Variants in CLVS1 observed in about 807,000 individuals in gnomAD.
The protein encoded by CLVS1 is clavesin 1, also known as clavesin-1.
A neutral mutation model predicts 33.1 loss-of-function variants in CLVS1; 10 were observed. The observed-to-expected ratio is 0.30, with a 90% CI of 0.19 to 0.51. CLVS1 has a LOEUF of 0.51. Ranked by LOEUF, CLVS1 falls within the 20% of genes least tolerant of loss-of-function variation. CLVS1 has a pLI of 0.97. For synonymous variants in CLVS1, 163 were observed against 166.1 expected (o/e 0.98, Z 0.14); for missense variants, 343 against 433.4 (o/e 0.79, Z 1.85).
chr8:61,423,005 T>A (rs1235274843), intron 3 of CLVS1, among the ~76,000 whole-genome samples: 13 of 152,160 alleles, frequency 8.5e-5, no homozygotes. Flanking sequence ...TTTTGGAAGA[T>A]GAATGGACTG....
chr8:61,099,198 C>T (rs369502226), intron 1 of CLVS1, among the ~76,000 whole-genome samples: 1 of 152,072 alleles, frequency 6.6e-6, no homozygotes, highest in Non-Finnish European at 1.5e-5. Context: ...TTCACATGGA[C>T]GTCATTGTCG....
chr8:61,255,720 C>T (rs560562899), intron 2 of CLVS1, among the ~76,000 whole-genome samples: 7 of 152,140 alleles, frequency 4.6e-5, no homozygotes, highest in African/African-American at 1.4e-4. Context: ...TAGGGCAGCA[C>T]GTTTTGTACT....
At chr8:61,126,736 G>T (rs1805980298) in intron 1 of CLVS1, among the ~76,000 whole-genome samples, 1 of 152,138 alleles carries the variant, frequency 6.6e-6, no homozygotes, top group Non-Finnish European at 1.5e-5. Flanking sequence ...GTGTTGTCAT[G>T]TTCACTCTCC....
intron 5 of CLVS1, among the ~76,000 whole-genome samples, chr8:61,461,353 T>A (rs1435208158): frequency 6.6e-6 from 1 of 152,222 alleles, no homozygotes; most frequent in Non-Finnish European, 1.5e-5. Context: ...TGATGTTTGT[T>A]CTTGCTTCAA....
At chr8:61,250,984 T>C (rs2129591616) in intron 2 of CLVS1, among the ~76,000 whole-genome samples, 1 of 152,348 alleles carries the variant, frequency 6.6e-6, no homozygotes, top group Admixed American at 6.5e-5. Context: ...GGCATCCTTG[T>C]CTTGTGCCAG....
At chr8:61,465,625 G>A (rs1424663108) in intron 5 of CLVS1, 1 of 152,066 alleles carries the variant, frequency 6.6e-6, no homozygotes. Flanking sequence ...ATGACCCTGA[G>A]TTTTATATTT....
At chr8:61,178,202 C>T (rs993393336) in intron 2 of CLVS1, among the ~76,000 whole-genome samples, 4 of 152,014 alleles carry the variant, frequency 2.6e-5, no homozygotes, top group African/African-American at 7.2e-5. Context: ...TTGAAGCATA[C>T]GCAAGTATCA....
intron 1 of CLVS1, among the ~76,000 whole-genome samples, chr8:61,096,975 A>ACGCTG (rs1271962868): frequency 6.6e-6 from 1 of 152,294 alleles, no homozygotes; most frequent in African/African-American, 2.4e-5. Context: ...GATTCTGTGA[A>ACGCTG]CGCTGCGTTC....
chr8:61,442,782 T>C (rs1356890381), intron 3 of CLVS1, among the ~76,000 whole-genome samples: 1 of 152,192 alleles, frequency 6.6e-6, no homozygotes, highest in Non-Finnish European at 1.5e-5. Flanking sequence ...GTATTTTTAA[T>C]ACAGATGGGG....
chr8:61,215,596 T>G (rs1808065811), intron 2 of CLVS1, among the ~76,000 whole-genome samples: 1 of 152,068 alleles, frequency 6.6e-6, no homozygotes, highest in Non-Finnish European at 1.5e-5. Flanking sequence ...ATAAACAGGA[T>G]CCTACTAGCT....
At chr8:61,266,875 G>A (rs1451981519) in intron 2 of CLVS1, among the ~76,000 whole-genome samples, 1 of 152,118 alleles carries the variant, frequency 6.6e-6, no homozygotes, top group Non-Finnish European at 1.5e-5. Flanking sequence ...ATTGCTATTT[G>A]GGATTCTAGC....
At chr8:61,403,448 G>A (rs1437131001) in intron 3 of CLVS1, among the ~76,000 whole-genome samples, 1 of 152,132 alleles carries the variant, frequency 6.6e-6, no homozygotes, top group Non-Finnish European at 1.5e-5. Context: ...GGAGATGCAG[G>A]GAAACCAGTT....
rs150760609 is a variant in CLVS1 at position 61,419,143 on chromosome 8, A to G, written c.631-34998A>G. Among the ~76,000 whole-genome samples the G allele has an allele frequency of 4.5e-3, 686 of 152,324 alleles. 6 individuals are homozygous for G. Among genetic ancestry groups the G allele is most frequent in the African/African-American group, 0.016 (664 of 41,566 alleles). ...GCTGGGCGTGGTGTCTCATGTCTGT[A>G]ATCCCAGCACTGTAGGAAGCCGAGG... On this transcript the variant is annotated intron_variant, in intron 3 of 5. Transcript: ENST00000325897.
chr8:61,391,756 T>A (rs1814313923), intron 3 of CLVS1, among the ~76,000 whole-genome samples: 1 of 152,180 alleles, frequency 6.6e-6, no homozygotes, highest in Admixed American at 6.5e-5. Flanking sequence ...GAGGATTTAA[T>A]TAAGATATTC....
chr8:61,364,382 T>C (rs1813106109), intron 2 of CLVS1, among the ~76,000 whole-genome samples: 1 of 152,168 alleles, frequency 6.6e-6, no homozygotes, highest in Admixed American at 6.5e-5. Flanking sequence ...GAAGATAAAC[T>C]GTTGAAGGAT....
intron 2 of CLVS1, among the ~76,000 whole-genome samples, chr8:61,250,659 A>G (rs893726752): frequency 2.6e-5 from 4 of 151,892 alleles, no homozygotes; most frequent in African/African-American, 4.8e-5. Context: ...ATTCCTAGGT[A>G]TTTTATTCTC....
At chr8:61,261,975 C>CGTGTGTGTGT (rs57278209) in intron 2 of CLVS1, among the ~76,000 whole-genome samples, 7 of 110,964 alleles carry the variant, frequency 6.3e-5, no homozygotes, top group Admixed American at 3.7e-4. Context: ...CTCATTGCTG[C>CGTGTGTGTGT]GTGTGTGTGT....
At chr8:61,490,606 C>T (rs113710575) in intron 5 of CLVS1, among the ~76,000 whole-genome samples, 2,714 of 146,200 alleles carry the variant, frequency 0.019, 80 homozygotes, top group African/African-American at 0.064. Context: ...TGCAGTGAGC[C>T]GAGATCACAC....
chr8:61,417,398 T>C (rs924896835), intron 3 of CLVS1, among the ~76,000 whole-genome samples: 5 of 151,988 alleles, frequency 3.3e-5, no homozygotes, highest in Admixed American at 1.3e-4. Context: ...AAAGCAGAAA[T>C]TGAACCACGT....
Sources: gnomAD v4.1 joint callset for allele counts (sites outside exome capture counted in the v4.1 genomes callset) on GRCh38, gnomAD v4.1.1 for gene constraint, MANE v1.5 for transcripts, NCBI Gene and HGNC (gene_info 2026-07-23, HGNC 2026-07-21) for gene names.